The following POLRMT variants were observed in gnomAD, a reference collection of about 807,000 sequenced individuals.
POLRMT encodes the protein DNA-directed RNA polymerase, mitochondrial.
POLRMT carries 114 observed loss-of-function variants against 132.2 expected under a neutral mutation model. That is an observed-to-expected ratio of 0.86 (90% CI 0.74 to 1.01). The LOEUF (loss-of-function observed/expected upper bound fraction) is 1.01, where lower values mean the gene tolerates loss of function less well. POLRMT is among the 50% of genes least tolerant of loss of function. POLRMT has a pLI of 0.00. For synonymous variants in POLRMT, 1,020 were observed against 773.4 expected, an observed-to-expected ratio of 1.32 and a Z score of -5.29; for missense variants, 2,003 against 1,729.1, an observed-to-expected ratio of 1.16 and a Z score of -2.81.
In POLRMT at chr19:622,842, C is replaced by CG; in HGVS notation, c.1433_1434insC (p.Glu478AspfsTer18). 1 of 1,601,362 alleles carries CG rather than the reference C, an allele frequency of 6.2e-7. No homozygotes were observed. The highest frequency in any genetic ancestry group is 1.1e-5 in the South Asian group (1 of 89,352). On this transcript the variant is annotated frameshift_variant, in exon 7 of 21. Transcript: ENST00000588649. LOFTEE classifies it high-confidence loss of function. ...GCACCTGCAGGAGCATCCGCACCAC[C>CG]TCGCGCTCGTCCAGCAGGCACAGGA...
At chr19:617,693 C>A in intron 18 of POLRMT, 38 bp from the exon 19 acceptor site, 1 of 1,611,058 alleles carries the variant, frequency 6.2e-7, no homozygotes, top group East Asian at 2.2e-5. Flanking sequence ...GGTGATCAGG[C>A]AGGCTCTGGG....
At chr19:623,975 C>A (rs970888650) in intron 5 of POLRMT, among the ~76,000 whole-genome samples, 2 of 152,216 alleles carry the variant, frequency 1.3e-5, no homozygotes, top group African/African-American at 4.8e-5. Context: ...TTAAAAATAA[C>A]AACTAAAGCC....
intron 6 of POLRMT, 67 bp downstream of exon 6, chr19:623,387 C>A (rs112862884): frequency 6.3e-7 from 1 of 1,580,056 alleles, no homozygotes; most frequent in Non-Finnish European, 8.6e-7. Context: ...CGGCTCAGCC[C>A]GTGCGGTGGA....
chr19:625,137 C>T lies in POLRMT; in HGVS notation c.940G>A (p.Gly314Arg), dbSNP rs776455724. 5.6e-6 allele frequency: 9 copies of T among 1,613,076 alleles called. No homozygotes were observed. Among genetic ancestry groups the T allele is most frequent in the African/African-American group, 1.3e-5 (1 of 74,888 alleles). ...QCMGRQDQDA[G>R]TIERCLEQMS... Reference sequence around the variant, plus strand: ...GACACCACCTACCTTTCGATGGTCCCGGCGTCCTGGTCCTGCCTCCCCATG... The same window carrying T: ...GACACCACCTACCTTTCGATGGTCCTGGCGTCCTGGTCCTGCCTCCCCATG... Residue 314 changes from glycine to arginine, a missense_variant, in exon 4 of 21, where the codon GGG becomes AGG. Physicochemically the swap from Gly to Arg is moderately radical, Grantham distance 125. Transcript: ENST00000588649.
chr19:622,382 C>T lies in POLRMT; in HGVS notation c.1627-9G>A, dbSNP rs762666040. The T allele has an allele frequency of 4.6e-6, 7 of 1,536,206 alleles. No homozygotes were observed. In the South Asian group the frequency reaches 7.2e-5, roughly 16 times the overall value. On this transcript the variant is annotated splice_polypyrimidine_tract_variant and intron_variant, in intron 8 of 20. Coordinates refer to ENST00000588649, the MANE Select transcript of POLRMT (RefSeq NM_005035.4). Reference sequence around the variant, plus strand: ...AGGCAGGGCTCGGGCACCTGTAGGACAGGGCGGTCAGGGCGCTGGGCACCG... The same window carrying T: ...AGGCAGGGCTCGGGCACCTGTAGGATAGGGCGGTCAGGGCGCTGGGCACCG...
At chr19:620,907 GA>G (rs1984494991) in intron 10 of POLRMT, 150 bp downstream of exon 10, 1,629 of 136,044 alleles carry the variant, frequency 0.012, 359 homozygotes, top group South Asian at 0.098. Flanking sequence ...AGGGGGAGGG[GA>G]GGAGGAAGAC....
At position 617,614 on chromosome 19, in the gene POLRMT, G is replaced by C; in HGVS notation, c.3537C>G (p.Ile1179Met). The C allele has an allele frequency of 6.2e-7, 1 of 1,612,280 alleles. No homozygotes were observed. Residue 1179 changes from isoleucine to methionine, a missense_variant, in exon 19 of 21, where the codon ATC becomes ATG. Coordinates refer to ENST00000588649, the MANE Select transcript of POLRMT (RefSeq NM_005035.4). The part of the protein sequence containing the change: ...EQFVRLHSEP[I>M]LQDLSRFLVK... Reference sequence around the variant, plus strand: ...CCAGGAATCTGGACAGGTCCTGCAGGATGGGCTCGCTGTGCAAGCGGACAA... The same window carrying C: ...CCAGGAATCTGGACAGGTCCTGCAGCATGGGCTCGCTGTGCAAGCGGACAA...
At position 621,410 on chromosome 19, in the gene POLRMT, G is replaced by A. The variant is rs990700934; in HGVS notation, c.2288C>T (p.Ala763Val). 5.4e-5 allele frequency: 82 copies of A among 1,514,758 alleles called. No homozygotes were observed. Among genetic ancestry groups the A allele is most frequent in the Middle Eastern group, 4.6e-4 (2 of 4,302 alleles). 93.8% of individuals were successfully genotyped at this position (1,514,758 alleles called of 1,614,324 possible). A position where few individuals can be genotyped will look rare whatever the true frequency, so the allele number is the denominator to read the frequency against. ...ARKAELRRELAHCQKVAREMH... is the reference protein window; with the variant it reads ...ARKAELRRELVHCQKVAREMH... Reference sequence around the variant, plus strand: ...CTCCCGGGCCACCTTCTGGCAGTGCGCCAGCTCACGGCGCAGCTCGGCCTT... The same window carrying A: ...CTCCCGGGCCACCTTCTGGCAGTGCACCAGCTCACGGCGCAGCTCGGCCTT... Residue 763 changes from alanine (A) to valine (V), a missense_variant, in exon 10 of 21, where the codon GCG (alanine) becomes GTG (valine). Coordinates refer to ENST00000588649, the MANE Select transcript of POLRMT (RefSeq NM_005035.4).
Position 621,141 on chromosome 19 carries a change from T to G in POLRMT, c.2557A>C (p.Lys853Gln), listed in dbSNP as rs773728135. Residue 853 changes from lysine to glutamine, a missense_variant, in exon 10 of 21, where the codon AAG becomes CAG. Lys to Gln is a moderately conservative substitution (Grantham distance 53). Coordinates refer to ENST00000588649, the MANE Select transcript of POLRMT (RefSeq NM_005035.4). ...AGGCGCTTCCGCAGCGGCTCCCGCT[T>G]CTTCAACCCCGTGAGATTGACCAGG... is the stretch of plus-strand genomic sequence containing the variant. ...IHLVNLTGLK[K>Q]REPLRKRLAF... The G allele has an allele frequency of 6.2e-7, 1 of 1,611,030 alleles. No homozygotes were observed. Among genetic ancestry groups the G allele is most frequent in the South Asian group, 1.1e-5 (1 of 91,040 alleles).
chr19:628,268 C>T (rs1985163617), intron 3 of POLRMT, among the ~76,000 whole-genome samples: 1 of 152,214 alleles, frequency 6.6e-6, no homozygotes, highest in South Asian at 2.1e-4. Flanking sequence ...ATCCCAAAAG[C>T]GCCCTGTTAC....
chr19:620,549 G>T, intron 10 of POLRMT, 62 bp from the exon 11 acceptor site: 1 of 1,464,722 alleles, frequency 6.8e-7, no homozygotes, highest in Non-Finnish European at 9.1e-7. Context: ...CCGCTGGGAG[G>T]CTGTGTTGCG....
intron 2 of POLRMT, among the ~76,000 whole-genome samples, chr19:632,082 T>C (rs538764508): frequency 2.1e-5 from 3 of 139,932 alleles, no homozygotes; most frequent in Non-Finnish European, 1.6e-5. Flanking sequence ...CTCGGACCCT[T>C]GACCTCTTGA....
intron 11 of POLRMT, 55 bp from the exon 12 acceptor site, chr19:620,135 G>A (rs951260377): frequency 2.0e-4 from 311 of 1,528,482 alleles, no homozygotes; most frequent in Non-Finnish European, 2.5e-4. Flanking sequence ...AGACGTGTGG[G>A]ACCCCAAACC....
Position 619,633 on chromosome 19 carries a change from G to A in POLRMT, c.3019C>T (p.Arg1007Cys), listed in dbSNP as rs771166196. The change falls in exon 13 of 21, where the codon CGC (arginine) becomes TGC (cysteine). Residue 1007 changes from arginine (R) to cysteine (C), a missense_variant. Coordinates refer to ENST00000588649, the MANE Select transcript of POLRMT (RefSeq NM_005035.4). ...VVYGVTRYGG[R>C]LQIEKRLREL... ...CGGAGGCGCTTCTCAATCTGCAGGC[G>A]CCCGCCATAGCGCGTGACCCCGTAC... is the stretch of plus-strand genomic sequence containing the variant. The A allele has an allele frequency of 8.1e-6, 13 of 1,610,504 alleles. No individual in the cohort carries two copies. Among genetic ancestry groups the A allele is most frequent in the East Asian group, 2.2e-5 (1 of 44,878 alleles).
chr19:619,825 A>G, intron 12 of POLRMT, 60 bp from the exon 13 acceptor site: 1 of 1,549,498 alleles, frequency 6.5e-7, no homozygotes, highest in Non-Finnish European at 8.7e-7. Flanking sequence ...GGGGCCACCA[A>G]GCACCCATGA....
rs780982038 is a variant in POLRMT, at chr19:621,810, G to A, written c.1888C>T (p.Leu630=). Residue 630 remains leucine, a synonymous_variant, in exon 10 of 21, where the codon CTG becomes TTG. Transcript: ENST00000588649. ...GTGGGCTCCGCGGCCTTCTCCAGCA[G>A]CTGCACGTAGGCCGGGTGCGGCTTC... The part of the protein sequence containing the change: ...ILKPHPAYVQ[L]LEKAAEPTLT... The A allele has an allele frequency of 2.6e-5, 42 of 1,602,452 alleles. No homozygotes were observed. The African/African-American group carries it at 5.2e-4, about 20-fold the overall frequency.
intron 13 of POLRMT, 129 bp downstream of exon 13, chr19:619,457 C>G: frequency 1.4e-6 from 2 of 1,407,878 alleles, no homozygotes; most frequent in East Asian, 2.3e-5. Context: ...CGCCCAAGCC[C>G]TAACAGGCAG....
At chr19:620,966 G>GGGGTGCGGGGGCGCCGGGGGA (rs1555675325) in intron 10 of POLRMT, 92 bp downstream of exon 10, 5 of 573,916 alleles carry the variant, frequency 8.7e-6, no homozygotes, top group African/African-American at 3.6e-5. Context: ...AGACGGGCAG[G>GGGGTGCGGGGGCGCCGGGGGA]GGGCGCGGGG....
intron 19 of POLRMT, 34 bp downstream of exon 19, chr19:617,536 G>T: frequency 1.9e-6 from 3 of 1,603,538 alleles, no homozygotes; most frequent in Non-Finnish European, 2.6e-6. Flanking sequence ...GGTGGGGGGG[G>T]AATCCAGGTA....
Sources: allele counts gnomAD v4.1 joint callset (sites outside exome capture counted in the v4.1 genomes callset), GRCh38; gene constraint gnomAD v4.1.1; transcripts MANE v1.5; gene names NCBI Gene and HGNC (gene_info 2026-07-23, HGNC 2026-07-21).